Variants in FBN2 observed in about 807,000 individuals in gnomAD.
The protein encoded by FBN2 is fibrillin 2.
A neutral mutation model predicts 355.6 loss-of-function variants in FBN2; 105 were observed. The ratio of observed to expected loss-of-function variants is 0.30; its 90% CI spans 0.25 to 0.35. FBN2 has a LOEUF of 0.35. FBN2 is among the 10% of genes least tolerant of loss of function. FBN2 has a pLI of 1.00. For missense variants in FBN2, 3,280 were observed against 3,758.7 expected, an observed-to-expected ratio of 0.87 and a Z score of 3.33; for synonymous variants, 1,350 against 1,301.2, an observed-to-expected ratio of 1.04 and a Z score of -0.81.
intron 8 of FBN2, among the ~76,000 whole-genome samples, chr5:128,402,230 T>C (rs1319316300): frequency 6.6e-6 from 1 of 152,150 alleles, no homozygotes; most frequent in Non-Finnish European, 1.5e-5. Flanking sequence ...ACACTATTCC[T>C]TGAAACAGGG....
chr5:128,371,587 G>A (rs1286971707), intron 15 of FBN2, among the ~76,000 whole-genome samples: 1 of 143,414 alleles, frequency 7.0e-6, no homozygotes, highest in Non-Finnish European at 1.5e-5. Flanking sequence ...GGAGTGCAAT[G>A]GCGTGGCATG....
At chr5:128,500,034 A>T (rs950735908) in intron 5 of FBN2, among the ~76,000 whole-genome samples, 6 of 152,222 alleles carry the variant, frequency 3.9e-5, no homozygotes, top group Admixed American at 2.0e-4. Flanking sequence ...ATAAAGTGCA[A>T]CAATATTAGT....
At chr5:128,305,129 G>T (rs780606800) in intron 44 of FBN2, 47 bp from the exon 45 acceptor site, 150 of 1,456,314 alleles carry the variant, frequency 1.0e-4, no homozygotes, top group Non-Finnish European at 1.3e-4. Context: ...TTTTTATTAA[G>T]ATTTCTTCAT....
chr5:128,267,754 C>T (rs1765154056), intron 62 of FBN2, among the ~76,000 whole-genome samples: 1 of 152,116 alleles, frequency 6.6e-6, no homozygotes, highest in Non-Finnish European at 1.5e-5. Flanking sequence ...CAAACATTTT[C>T]TTCCATTCTG....
chr5:128,500,505 C>G (rs551433772), intron 5 of FBN2, among the ~76,000 whole-genome samples: 1 of 136,598 alleles, frequency 7.3e-6, no homozygotes, highest in South Asian at 2.4e-4. Flanking sequence ...TGCTGTGGCG[C>G]GATCTCGGCC....
At chr5:128,450,602 T>C (rs1754211826) in intron 6 of FBN2, among the ~76,000 whole-genome samples, 1 of 151,986 alleles carries the variant, frequency 6.6e-6, no homozygotes, top group African/African-American at 2.4e-5. Flanking sequence ...GCTTCTTAAA[T>C]CAATGATCTC....
chr5:128,330,425 G>C, intron 33 of FBN2, 148 bp downstream of exon 33: 1 of 781,360 alleles, frequency 1.3e-6, no homozygotes, highest in Admixed American at 2.3e-5. Flanking sequence ...TTTAATGTAA[G>C]AGAAAGATAC....
chr5:128,357,281 C>A lies in FBN2; in HGVS notation c.2669G>T (p.Cys890Phe). Residue 890 changes from cysteine to phenylalanine, a missense_variant, in exon 20 of 65, where the codon TGT (cysteine) becomes TTT (phenylalanine). By Grantham distance (205) the Cys-to-Phe change is radical. Around this residue, in one of 6 missense-constraint regions of FBN2, gnomAD observed 2,284 missense variants for 2,749.5 expected, o/e 0.83. Transcript: ENST00000262464. The part of the protein sequence containing the change: ...GSKLSSTGLI[C>F]IDSLKGTCWL... ...GTATTGTGTATGAATCTTACCAATA[C>A]AGATCAATCCTGTGGAGCTGAGTTT... 6.2e-7 allele frequency: 1 copy of A among 1,613,902 alleles called. No individual in the cohort carries two copies.
chr5:128,306,438 G>A (rs1749881090), intron 42 of FBN2, among the ~76,000 whole-genome samples: 1 of 152,054 alleles, frequency 6.6e-6, no homozygotes, highest in African/African-American at 2.4e-5. Context: ...TGACCAACAT[G>A]GTGAAACTTC....
intron 4 of FBN2, among the ~76,000 whole-genome samples, chr5:128,525,851 T>C (rs913287458): frequency 1.3e-5 from 2 of 152,188 alleles, no homozygotes; most frequent in African/African-American, 4.8e-5. Context: ...GTGAAAATTG[T>C]GTGAAATTCA....
chr5:128,505,606 G>C (rs1043297779), intron 5 of FBN2, among the ~76,000 whole-genome samples: 5 of 152,046 alleles, frequency 3.3e-5, no homozygotes, highest in Non-Finnish European at 5.9e-5. Context: ...ACCTGTTCCT[G>C]TGTCATTGTT....
At chr5:128,428,819 G>T (rs961861884) in intron 7 of FBN2, among the ~76,000 whole-genome samples, 1 of 152,156 alleles carries the variant, frequency 6.6e-6, no homozygotes, top group African/African-American at 2.4e-5. Flanking sequence ...GAGTGATTCT[G>T]GTATCAGTGT....
At chr5:128,458,032 G>A (rs1373369378) in intron 6 of FBN2, among the ~76,000 whole-genome samples, 1 of 152,098 alleles carries the variant, frequency 6.6e-6, no homozygotes, top group African/African-American at 2.4e-5. Context: ...TGGATAAGCT[G>A]TCAAGACCCA....
At chr5:128,263,704 C>G (rs1332259780) in intron 62 of FBN2, 48 bp from the exon 63 acceptor site, 3 of 1,405,464 alleles carry the variant, frequency 2.1e-6, no homozygotes, top group Non-Finnish European at 2.0e-6. Flanking sequence ...CAGGCAAGAG[C>G]AAAAACGTGA....
intron 7 of FBN2, among the ~76,000 whole-genome samples, chr5:128,417,353 CTT>C (rs1287661309): frequency 2.0e-5 from 3 of 152,080 alleles, no homozygotes; most frequent in South Asian, 2.1e-4. Context: ...TTCTTTCTCT[CTT>C]GTCTGATTGC....
At chr5:128,319,387 C>G (rs1356146285) in intron 34 of FBN2, among the ~76,000 whole-genome samples, 1 of 151,668 alleles carries the variant, frequency 6.6e-6, no homozygotes, top group East Asian at 1.9e-4. Flanking sequence ...AAACAGCAGA[C>G]ATTTTATAGT....
chr5:128,268,898 C>T (rs373856630), intron 62 of FBN2, among the ~76,000 whole-genome samples: 15 of 152,154 alleles, frequency 9.9e-5, no homozygotes, highest in African/African-American at 3.4e-4. Context: ...CTATTTATGA[C>T]AAACCCACAG....
At position 128,299,644 on chromosome 5, in the gene FBN2, G is replaced by A. The variant is rs374372681; in HGVS notation, c.6166+1173C>T. Among the ~76,000 whole-genome samples the A allele has an allele frequency of 1.5e-4, 23 of 152,170 alleles. 1 individual carries two copies. Among genetic ancestry groups the A allele is most frequent in the South Asian group, 4.1e-4 (2 of 4,822 alleles). The stretch of plus-strand genomic sequence containing the variant: ...GAAAGGGAACTCCCTGACCCCTTGC[G>A]CTTCCCGAGTGAGGCAATGCCTCGC... On this transcript the variant is annotated intron_variant, in intron 48 of 64. Transcript: ENST00000262464.
intron 34 of FBN2, among the ~76,000 whole-genome samples, 186 bp from the exon 35 acceptor site, chr5:128,319,187 A>G (rs138549869): frequency 1.2e-4 from 19 of 152,264 alleles, no homozygotes; most frequent in African/African-American, 2.9e-4. Flanking sequence ...CTATGGAACT[A>G]AGATATACAA....
Sources: allele counts gnomAD v4.1 joint callset (sites outside exome capture counted in the v4.1 genomes callset), GRCh38; gene constraint gnomAD v4.1.1; regional missense constraint gnomAD v4.1.1; transcripts MANE v1.5; gene names NCBI Gene and HGNC (gene_info 2026-07-23, HGNC 2026-07-21).